Variants in LINGO2 observed in about 807,000 individuals in gnomAD.
The protein encoded by LINGO2 is leucine-rich repeat and immunoglobulin-like domain-containing nogo receptor-interacting protein 2.
In LINGO2, 14 loss-of-function variants were observed where a neutral mutation model predicts 30.6. That is an observed-to-expected ratio of 0.46 (90% CI 0.30 to 0.72). The LOEUF (loss-of-function observed/expected upper bound fraction) is 0.72, where lower values mean the gene tolerates loss of function less well. Ranked by LOEUF, LINGO2 falls within the 30% of genes least tolerant of loss-of-function variation. The pLI is 0.07. For missense variants in LINGO2, 729 were observed against 751.7 expected (o/e 0.97, Z 0.35); for synonymous variants, 317 against 288.5 (o/e 1.10, Z -1.00).
rs570123778 is a variant in LINGO2 at position 28,454,772 on chromosome 9, A to G, written c.-279+21168T>C. Among the ~76,000 whole-genome samples, 3 of 152,152 alleles carry G rather than the reference A, an allele frequency of 2.0e-5. No individual in the cohort carries two copies. In the South Asian group the frequency reaches 6.2e-4, roughly 32 times the overall value. On this transcript the variant is annotated intron_variant, in intron 2 of 5. Coordinates refer to ENST00000379992, the Ensembl canonical transcript of LINGO2. Reference sequence around the variant, plus strand: ...AAATAGGTTTTTGCACTTGACAGATATCATAGAAAATGGATTTTTCCCTCA... The same window carrying G: ...AAATAGGTTTTTGCACTTGACAGATGTCATAGAAAATGGATTTTTCCCTCA...
chr9:28,387,465 G>C (rs1821633058), intron 2 of LINGO2, among the ~76,000 whole-genome samples: 1 of 152,206 alleles, frequency 6.6e-6, no homozygotes, highest in Non-Finnish European at 1.5e-5. Flanking sequence ...GGCCACTGGA[G>C]CCAGCAGCAG....
chr9:28,432,695 A>G (rs953002227), intron 2 of LINGO2, among the ~76,000 whole-genome samples: 1 of 152,170 alleles, frequency 6.6e-6, no homozygotes, highest in Non-Finnish European at 1.5e-5. Flanking sequence ...TTATGGTCAC[A>G]TTAATCATGA....
chr9:28,199,815 T>A (rs1820161936), intron 4 of LINGO2, among the ~76,000 whole-genome samples: 1 of 152,162 alleles, frequency 6.6e-6, no homozygotes, highest in Admixed American at 6.5e-5. Context: ...GTGAATATAA[T>A]ACATGACCAA....
the LINGO2 span, among the ~76,000 whole-genome samples, chr9:29,117,218 A>G: frequency 1.3e-5 from 2 of 152,182 alleles, no homozygotes; most frequent in African/African-American, 4.8e-5. Context: ...TTAGAAGTGA[A>G]GGAAGCAGGA....
intron 4 of LINGO2, among the ~76,000 whole-genome samples, chr9:28,188,475 G>C (rs1255190485): frequency 6.6e-6 from 1 of 152,122 alleles, no homozygotes; most frequent in Non-Finnish European, 1.5e-5. Context: ...GACTGGGCCA[G>C]AGGGTATGGG....
chr9:28,850,309 C>G, the LINGO2 span, among the ~76,000 whole-genome samples: 9 of 151,944 alleles, frequency 5.9e-5, no homozygotes, highest in African/African-American at 2.2e-4. Flanking sequence ...ATATGTACTA[C>G]TAATAATATT....
the LINGO2 span, among the ~76,000 whole-genome samples, chr9:29,125,749 T>G: frequency 7.2e-5 from 11 of 152,252 alleles, no homozygotes; most frequent in African/African-American, 2.2e-4. Flanking sequence ...TAGATTAATG[T>G]AAAATTAATA....
intron 1 of LINGO2, among the ~76,000 whole-genome samples, chr9:28,660,630 T>C (rs755280784): frequency 3.3e-5 from 5 of 151,968 alleles, no homozygotes; most frequent in Non-Finnish European, 5.9e-5. Context: ...CTCTGAGAAG[T>C]CAGAGAAAGG....
the LINGO2 span, among the ~76,000 whole-genome samples, chr9:28,794,888 T>C: frequency 6.6e-6 from 1 of 151,648 alleles, no homozygotes; most frequent in East Asian, 1.9e-4. Flanking sequence ...TGGAGTGCAG[T>C]GATGAGATCT....
At chr9:28,796,650 C>T in the LINGO2 span, among the ~76,000 whole-genome samples, 83,350 of 151,600 alleles carry the variant, frequency 0.55, 23,039 homozygotes, top group Middle Eastern at 0.67. Flanking sequence ...TTTTTATATA[C>T]AAATTGATAA....
At chr9:29,158,696 C>T in the LINGO2 span, among the ~76,000 whole-genome samples, 1 of 152,002 alleles carries the variant, frequency 6.6e-6, no homozygotes, top group African/African-American at 2.4e-5. Flanking sequence ...TCCCACTCAG[C>T]CTTTATTTTA....
chr9:28,867,407 T>C, the LINGO2 span, among the ~76,000 whole-genome samples: 1 of 151,562 alleles, frequency 6.6e-6, no homozygotes, highest in Non-Finnish European at 1.5e-5. Flanking sequence ...TAAAAGCAAG[T>C]GATTGCTAAC....
chr9:28,995,772 A>T, the LINGO2 span, among the ~76,000 whole-genome samples: 1 of 152,136 alleles, frequency 6.6e-6, no homozygotes, highest in Non-Finnish European at 1.5e-5. Context: ...TCGCAAGGAC[A>T]AAAAACCAAA....
At chr9:28,847,328 C>A in the LINGO2 span, among the ~76,000 whole-genome samples, 1 of 148,078 alleles carries the variant, frequency 6.8e-6, no homozygotes, top group South Asian at 2.1e-4. Context: ...TCCCTCTCTG[C>A]CATAGAAATA....
chr9:28,799,769 A>G, the LINGO2 span, among the ~76,000 whole-genome samples: 1 of 152,152 alleles, frequency 6.6e-6, no homozygotes, highest in Non-Finnish European at 1.5e-5. Flanking sequence ...GCCAGGCACA[A>G]CTTAAGTGTG....
chr9:28,284,899 T>C (rs2134142088), intron 4 of LINGO2, among the ~76,000 whole-genome samples: 1 of 152,192 alleles, frequency 6.6e-6, no homozygotes, highest in South Asian at 2.1e-4. Flanking sequence ...TTAAGGAGAG[T>C]ATTACCTCAA....
At chr9:29,189,244 C>T in the LINGO2 span, among the ~76,000 whole-genome samples, 8 of 151,178 alleles carry the variant, frequency 5.3e-5, no homozygotes, top group African/African-American at 1.9e-4. Flanking sequence ...CCTCACCTCC[C>T]GGACGGGGCG....
chr9:28,479,811 C>T lies in LINGO2; in HGVS notation c.-364-3786G>A, dbSNP rs529833161. ...CTATTTCTCCCATATAAGTACCATA[C>T]TGAAGAATGTCTTAACTACTGGAAC... On this transcript the variant is annotated intron_variant, in intron 1 of 5. Transcript: ENST00000379992. Among the ~76,000 whole-genome samples, 56 of 146,046 alleles carry T rather than the reference C, an allele frequency of 3.8e-4. 1 individual carries two copies. In the South Asian group the frequency reaches 9.8e-3, roughly 25 times the overall value.
chr9:28,943,211 T>C, the LINGO2 span, among the ~76,000 whole-genome samples: 1 of 152,274 alleles, frequency 6.6e-6, no homozygotes, highest in African/African-American at 2.4e-5. Context: ...GGAGCATTCT[T>C]TGTAGAATAA....
Sources: gnomAD v4.1 joint callset for allele counts (sites outside exome capture counted in the v4.1 genomes callset) on GRCh38, gnomAD v4.1.1 for gene constraint, MANE v1.5 for transcripts, NCBI Gene and HGNC (gene_info 2026-07-23, HGNC 2026-07-21) for gene names.